PLA2G10: variants seen among roughly 807,000 people sequenced by gnomAD.
The protein encoded by PLA2G10 is group 10 secretory phospholipase A2.
Under a neutral mutation model 7.9 loss-of-function variants are expected in PLA2G10, and 9 were observed. The ratio of observed to expected loss-of-function variants is 1.14; its 90% CI spans 0.68 to 1.98. PLA2G10 has a LOEUF of 1.98. Ranked by LOEUF, PLA2G10 falls within the 30% of genes most tolerant of loss-of-function variation. The pLI is 0.00. For synonymous variants in PLA2G10, 19 were observed against 27.5 expected, an observed-to-expected ratio of 0.69 and a Z score of 0.97; for missense variants, 53 against 65.4, an observed-to-expected ratio of 0.81 and a Z score of 0.66.
At chr16:14,681,982 T>A (rs1403879872) in intron 3 of PLA2G10, among the ~76,000 whole-genome samples, 1 of 152,012 alleles carries the variant, frequency 6.6e-6, no homozygotes, top group East Asian at 1.9e-4. Flanking sequence ...TTACTCTCCC[T>A]GAGCCTCAGT....
intron 3 of PLA2G10, among the ~76,000 whole-genome samples, chr16:14,685,311 G>A (rs1390063766): frequency 6.6e-6 from 1 of 151,406 alleles, no homozygotes; most frequent in African/African-American, 2.4e-5. Context: ...GGCGGAGGTT[G>A]CAGTAAGCCG....
At chr16:14,682,352 G>A (rs1304555202) in intron 3 of PLA2G10, among the ~76,000 whole-genome samples, 1 of 152,082 alleles carries the variant, frequency 6.6e-6, no homozygotes, top group East Asian at 1.9e-4. Context: ...GGAGGCCGAG[G>A]CGGATGGATC....
chr16:14,687,769 GGCAGAGCA>G (rs1961132832), intron 3 of PLA2G10, among the ~76,000 whole-genome samples: 1 of 151,780 alleles, frequency 6.6e-6, no homozygotes, highest in Admixed American at 6.6e-5. Context: ...GGCCGAGGCG[GGCAGAGCA>G]CTTGAGGTGG....
At chr16:14,687,449 C>T (rs1177503452) in intron 3 of PLA2G10, among the ~76,000 whole-genome samples, 1 of 151,612 alleles carries the variant, frequency 6.6e-6, no homozygotes, top group African/African-American at 2.4e-5. Context: ...CCCACCTCAG[C>T]CTCCCAAGTA....
intron 3 of PLA2G10, among the ~76,000 whole-genome samples, chr16:14,675,326 G>A (rs558944501): frequency 1.3e-5 from 2 of 152,162 alleles, no homozygotes; most frequent in African/African-American, 4.8e-5. Flanking sequence ...ATCAACTCAA[G>A]ATGGATTAAA....
chr16:14,674,123 G>C (rs1960662454), intron 3 of PLA2G10, among the ~76,000 whole-genome samples: 1 of 150,444 alleles, frequency 6.6e-6, no homozygotes, highest in Non-Finnish European at 1.5e-5. Flanking sequence ...TTTTATAATA[G>C]CTGGAAAAAA....
At chr16:14,687,760 G>A (rs1961131939) in intron 3 of PLA2G10, among the ~76,000 whole-genome samples, 2 of 151,906 alleles carry the variant, frequency 1.3e-5, no homozygotes, top group African/African-American at 2.4e-5. Context: ...ACTTTGGGAG[G>A]CCGAGGCGGG....
intron 3 of PLA2G10, among the ~76,000 whole-genome samples, chr16:14,674,315 G>C (rs1960668263): frequency 6.6e-6 from 1 of 152,104 alleles, no homozygotes; most frequent in African/African-American, 2.4e-5. Flanking sequence ...ACTACCCAAA[G>C]CAATCTACAG....
intron 3 of PLA2G10, among the ~76,000 whole-genome samples, chr16:14,679,017 G>A (rs1022236293): frequency 5.3e-5 from 8 of 151,778 alleles, no homozygotes; most frequent in Admixed American, 2.0e-4. Flanking sequence ...TCACCTCCAC[G>A]TGGCTGTCTC....
At chr16:14,680,706 T>A (rs1960866007) in intron 3 of PLA2G10, among the ~76,000 whole-genome samples, 1 of 152,140 alleles carries the variant, frequency 6.6e-6, no homozygotes, top group South Asian at 2.1e-4. Flanking sequence ...GGTATAGTAA[T>A]TCACCTGCTT....
intron 3 of PLA2G10, among the ~76,000 whole-genome samples, chr16:14,687,794 T>G (rs1961134546): frequency 6.6e-6 from 1 of 151,648 alleles, no homozygotes; most frequent in Non-Finnish European, 1.5e-5. Flanking sequence ...GTGGGGAGTT[T>G]GAGACCAGCC....
At chr16:14,678,761 C>T (rs749542194) in intron 3 of PLA2G10, 6 of 388,348 alleles carry the variant, frequency 1.5e-5, no homozygotes, top group South Asian at 1.2e-4. Flanking sequence ...CAGAGCAAGA[C>T]TGTCTCAAAA....
intron 3 of PLA2G10, among the ~76,000 whole-genome samples, chr16:14,681,861 A>C (rs1203580226): frequency 6.6e-6 from 1 of 151,680 alleles, no homozygotes; most frequent in East Asian, 2.0e-4. Context: ...AGCAAGCAGA[A>C]TAGGCAAGTT....
At chr16:14,686,869 G>C (rs1567506853) in intron 3 of PLA2G10, among the ~76,000 whole-genome samples, 1 of 152,096 alleles carries the variant, frequency 6.6e-6, no homozygotes, top group African/African-American at 2.4e-5. Context: ...ACTTTGAGAG[G>C]CTGAGGCGGG....
chr16:14,675,408 C>T (rs963424340), intron 3 of PLA2G10, among the ~76,000 whole-genome samples: 1 of 151,902 alleles, frequency 6.6e-6, no homozygotes, highest in African/African-American at 2.4e-5. Flanking sequence ...TGGACATTGA[C>T]CTAGGCAAGG....
In PLA2G10 at chr16:14,674,951, C is replaced by G. The variant is rs1315394573; in HGVS notation, c.356-2202G>C. 5.9e-5 allele frequency among the ~76,000 whole-genome samples: 9 copies of G among 152,254 alleles called. No homozygotes were observed. In the East Asian group the frequency reaches 1.7e-3, roughly 29 times the overall value. ...CTTTGGGAGGCCAAGGCAAGCGGAT[C>G]ACCTGAGGTTCAGTGTTTGAGACCA... On this transcript the variant is annotated intron_variant, in intron 3 of 3. Transcript: ENST00000438167.
intron 3 of PLA2G10, among the ~76,000 whole-genome samples, chr16:14,677,653 G>C (rs1432728580): frequency 6.6e-6 from 1 of 152,128 alleles, no homozygotes; most frequent in African/African-American, 2.4e-5. Flanking sequence ...ATTGCGCCCG[G>C]AGTTCTAAAA....
At chr16:14,673,281 C>T (rs966398643) in intron 3 of PLA2G10, among the ~76,000 whole-genome samples, 1 of 151,958 alleles carries the variant, frequency 6.6e-6, no homozygotes, top group African/African-American at 2.4e-5. Flanking sequence ...CCTCGGCCTC[C>T]GAAAGTGCTG....
At chr16:14,674,639 T>C (rs1460649942) in intron 3 of PLA2G10, among the ~76,000 whole-genome samples, 1 of 151,866 alleles carries the variant, frequency 6.6e-6, no homozygotes, top group Non-Finnish European at 1.5e-5. Flanking sequence ...GGGCAGAGGT[T>C]GCAGTGAGCT....
Sources: allele counts gnomAD v4.1 joint callset (sites outside exome capture counted in the v4.1 genomes callset), GRCh38; gene constraint gnomAD v4.1.1; transcripts MANE v1.5; gene names NCBI Gene and HGNC (gene_info 2026-07-23, HGNC 2026-07-21).